Variants in NCKAP5 observed in about 807,000 individuals in gnomAD.
NCKAP5 encodes nck-associated protein 5.
A neutral mutation model predicts 167.0 loss-of-function variants in NCKAP5; 92 were observed. The observed-to-expected ratio is 0.55, with a 90% CI of 0.47 to 0.66. The LOEUF (loss-of-function observed/expected upper bound fraction) is 0.66. Among genes scored for constraint, NCKAP5 ranks in the 30% least tolerant of loss-of-function variants. The probability of loss-of-function intolerance (pLI) is 0.00; values close to 1 mark genes in which losing one functional copy is unlikely to be tolerated. For missense variants in NCKAP5, 2,378 were observed against 2,315.0 expected (o/e 1.03, Z -0.56); for synonymous variants, 891 against 877.4 (o/e 1.02, Z -0.27).
chr2:132,854,665 A>G (rs1479427186), intron 11 of NCKAP5, among the ~76,000 whole-genome samples: 2 of 152,198 alleles, frequency 1.3e-5, no homozygotes, highest in African/African-American at 4.8e-5. Context: ...CTCAGCTGCT[A>G]TAGCTTCCCA....
intron 5 of NCKAP5, among the ~76,000 whole-genome samples, chr2:133,195,130 A>G (rs2085383877): frequency 2.6e-5 from 4 of 152,102 alleles, no homozygotes; most frequent in African/African-American, 9.7e-5. Context: ...AAGCCGCCTC[A>G]CTTACTTGTG....
chr2:133,500,461 A>G (rs11903218), intron 3 of NCKAP5, among the ~76,000 whole-genome samples: 80,780 of 151,954 alleles, frequency 0.53, 22,313 homozygotes, highest in African/African-American at 0.69. Flanking sequence ...CTTCTGAGGG[A>G]CAAAGCACAT....
At chr2:133,022,859 A>G (rs1331343148) in intron 6 of NCKAP5, among the ~76,000 whole-genome samples, 1 of 152,184 alleles carries the variant, frequency 6.6e-6, no homozygotes, top group Non-Finnish European at 1.5e-5. Context: ...AAGGGAAGCC[A>G]TCTTCCTCGC....
chr2:133,034,944 A>G (rs1219221261), intron 6 of NCKAP5, among the ~76,000 whole-genome samples: 1 of 151,998 alleles, frequency 6.6e-6, no homozygotes, highest in East Asian at 1.9e-4. Flanking sequence ...AATGTACTAT[A>G]CTCTCCAATC....
intron 19 of NCKAP5, among the ~76,000 whole-genome samples, chr2:132,694,697 G>A (rs1687138360): frequency 6.6e-6 from 1 of 152,134 alleles, no homozygotes; most frequent in African/African-American, 2.4e-5. Flanking sequence ...GACTCAGCTG[G>A]GGTGCCATCT....
At chr2:133,317,444 G>A (rs915664915) in intron 3 of NCKAP5, among the ~76,000 whole-genome samples, 4 of 152,134 alleles carry the variant, frequency 2.6e-5, no homozygotes, top group African/African-American at 9.7e-5. Flanking sequence ...CTCTACTGAG[G>A]ATTAGTTTCC....
At chr2:133,163,650 C>T (rs1219583009) in intron 5 of NCKAP5, among the ~76,000 whole-genome samples, 1 of 152,140 alleles carries the variant, frequency 6.6e-6, no homozygotes, top group African/African-American at 2.4e-5. Context: ...ATGGTATCTA[C>T]CTATGCGTTC....
intron 8 of NCKAP5, among the ~76,000 whole-genome samples, chr2:132,933,152 T>C (rs566255273): frequency 1.0e-3 from 154 of 151,612 alleles, no homozygotes; most frequent in Middle Eastern, 3.4e-3. Context: ...GTCTCGATCT[T>C]CTGACCTCAT....
At chr2:132,817,902 T>C (rs1394199213) in intron 11 of NCKAP5, among the ~76,000 whole-genome samples, 2 of 152,214 alleles carry the variant, frequency 1.3e-5, no homozygotes, top group African/African-American at 2.4e-5. Context: ...CAAATATAAA[T>C]CAAATTTATC....
the NCKAP5 span, among the ~76,000 whole-genome samples, chr2:133,615,480 A>T: frequency 6.6e-6 from 1 of 152,212 alleles, no homozygotes; most frequent in Non-Finnish European, 1.5e-5. Context: ...GGAAAACAAA[A>T]AAAAAGCAGG....
chr2:133,447,886 C>T (rs1471410191), intron 3 of NCKAP5, among the ~76,000 whole-genome samples: 1 of 152,134 alleles, frequency 6.6e-6, no homozygotes, highest in Non-Finnish European at 1.5e-5. Flanking sequence ...CAGTCTATGT[C>T]CAGCTGGCTG....
chr2:133,297,559 A>G (rs1225272323), intron 4 of NCKAP5, among the ~76,000 whole-genome samples: 1 of 152,176 alleles, frequency 6.6e-6, no homozygotes, highest in Non-Finnish European at 1.5e-5. Flanking sequence ...TGCTATAAGA[A>G]CCAACTAAAG....
the NCKAP5 span, among the ~76,000 whole-genome samples, chr2:133,647,834 C>T: frequency 6.6e-6 from 1 of 151,748 alleles, no homozygotes; most frequent in South Asian, 2.1e-4. Flanking sequence ...CAGGGCAGGG[C>T]AGGGCAGGGC....
chr2:133,292,657 A>AT (rs1679683141), intron 4 of NCKAP5, among the ~76,000 whole-genome samples: 1 of 152,160 alleles, frequency 6.6e-6, no homozygotes, highest in African/African-American at 2.4e-5. Context: ...ATGTTGGGAT[A>AT]TTTTTTGGTA....
At chr2:133,061,317 T>C (rs2079992699) in intron 6 of NCKAP5, among the ~76,000 whole-genome samples, 1 of 152,224 alleles carries the variant, frequency 6.6e-6, no homozygotes, top group South Asian at 2.1e-4. Flanking sequence ...CAGAGAAATA[T>C]GCCATTGACA....
the NCKAP5 span, among the ~76,000 whole-genome samples, chr2:133,653,750 G>A: frequency 1.3e-5 from 2 of 152,154 alleles, no homozygotes; most frequent in African/African-American, 2.4e-5. Context: ...AAATGTCCAC[G>A]GGCAGCGCCT....
At chr2:132,792,963 G>A (rs1037829040) in intron 12 of NCKAP5, among the ~76,000 whole-genome samples, 8 of 152,152 alleles carry the variant, frequency 5.3e-5, no homozygotes, top group African/African-American at 1.9e-4. Flanking sequence ...AGGAATTGCT[G>A]CTTCTCCCTT....
intron 16 of NCKAP5, among the ~76,000 whole-genome samples, chr2:132,754,336 A>G (rs1393314470): frequency 6.6e-6 from 1 of 152,126 alleles, no homozygotes; most frequent in Non-Finnish European, 1.5e-5. Context: ...TGTAAATGTC[A>G]TTATAATCCT....
At chr2:133,274,243 G>A (rs2089638145) in intron 4 of NCKAP5, among the ~76,000 whole-genome samples, 2 of 151,786 alleles carry the variant, frequency 1.3e-5, no homozygotes, top group African/African-American at 4.8e-5. Context: ...CTTAAGATAT[G>A]TACCAAATTA....
Sources: allele counts gnomAD v4.1 joint callset (sites outside exome capture counted in the v4.1 genomes callset), GRCh38; gene constraint gnomAD v4.1.1; transcripts MANE v1.5; gene names NCBI Gene and HGNC (gene_info 2026-07-23, HGNC 2026-07-21).